The following COL1A2 variants were observed in gnomAD, a reference collection of about 807,000 sequenced individuals.
The protein encoded by COL1A2 is collagen alpha-2(I) chain.
COL1A2 carries 49 observed loss-of-function variants against 174.3 expected under a neutral mutation model. That is an observed-to-expected ratio of 0.28 (90% confidence interval 0.22 to 0.36). The LOEUF is 0.36. Ranked by LOEUF, COL1A2 falls within the 10% of genes least tolerant of loss-of-function variation. The pLI, the probability that COL1A2 is intolerant of heterozygous loss-of-function variation, is 1.00. For synonymous variants in COL1A2, 655 were observed against 606.6 expected (o/e 1.08, Z -1.17); for missense variants, 1,438 against 1,822.7 (o/e 0.79, Z 3.84).
At chr7:94,401,688 A>C in intron 6 of COL1A2, 68 bp downstream of exon 6, 1 of 1,188,406 alleles carries the variant, frequency 8.4e-7, no homozygotes, top group South Asian at 1.3e-5. Flanking sequence ...GTCACATTTT[A>C]CCACGCCATT....
intron 10 of COL1A2, 23 bp downstream of exon 10, chr7:94,405,275 A>G: frequency 6.2e-7 from 1 of 1,611,522 alleles, no homozygotes; most frequent in Non-Finnish European, 8.5e-7. Context: ...ACATTGGTAG[A>G]TAGCACAAAC....
At chr7:94,404,273 G>T (rs1424315530) in intron 6 of COL1A2, among the ~76,000 whole-genome samples, 1 of 152,180 alleles carries the variant, frequency 6.6e-6, no homozygotes, top group Non-Finnish European at 1.5e-5. Context: ...TCACTTCATT[G>T]CATCAGAACA....
Position 94,422,800 on chromosome 7 carries a change from A to G in COL1A2, c.2404-157A>G. ...GACAGGAGTTGCTTCTTTCTGCAAGAAAGAAGGTTAAAAACTATAAATATT... is the reference window on the plus strand; with the variant it reads ...GACAGGAGTTGCTTCTTTCTGCAAGGAAGAAGGTTAAAAACTATAAATATT... On this transcript the variant is annotated intron_variant, in intron 39 of 51. Transcript: ENST00000297268. The G allele has an allele frequency of 4.2e-6, 4 of 949,830 alleles. No individual in the cohort carries two copies. In the South Asian group the frequency reaches 6.2e-5, roughly 15 times the overall value. The allele number at this position is 949,830 out of a possible 1,614,324, so 58.8% of individuals were successfully genotyped here.
chr7:94,401,279 G>A (rs939661675), intron 5 of COL1A2, among the ~76,000 whole-genome samples: 1 of 152,028 alleles, frequency 6.6e-6, no homozygotes, highest in Non-Finnish European at 1.5e-5. Context: ...AGAGGTAAAA[G>A]GTGGGAGTGG....
At chr7:94,404,999 G>A in intron 9 of COL1A2, 107 bp downstream of exon 9, 13 of 1,297,632 alleles carry the variant, frequency 1.0e-5, no homozygotes, top group Non-Finnish European at 1.4e-5. Context: ...GAATATGCCT[G>A]ACAGAACTCT....
intron 5 of COL1A2, among the ~76,000 whole-genome samples, chr7:94,400,569 A>G (rs1430464125): frequency 6.6e-6 from 1 of 152,164 alleles, no homozygotes; most frequent in Non-Finnish European, 1.5e-5. Context: ...TAAGGCACAA[A>G]TAAGAGGTGT....
rs767075975 is a variant in COL1A2 at position 94,428,435 on chromosome 7, G to T, written c.3669G>T (p.Lys1223Asn). ...AKNWYRSSKD[K>N]KHVWLGETIN... ...ACTGGTATAGGAGCTCCAAGGACAA[G>T]AAACACGTCTGGCTAGGAGAAACTA... The change falls in exon 50 of 52, where the codon AAG (lysine) becomes AAT (asparagine). Residue 1223 changes from lysine (K) to asparagine (N), a missense_variant. Lys to Asn is a moderately conservative substitution (Grantham distance 94). Coordinates refer to ENST00000297268, the MANE Select transcript of COL1A2 (RefSeq NM_000089.4). 3.1e-6 allele frequency: 5 copies of T among 1,614,130 alleles called. No homozygotes were observed. The South Asian group carries it at 5.5e-5, about 18-fold the overall frequency.
chr7:94,431,193 A>T lies in COL1A2; in HGVS notation c.*800A>T, dbSNP rs1437029646. On this transcript the variant is annotated 3_prime_UTR_variant, in exon 52 of 52. Transcript: ENST00000297268. ...GAGATGTTTAAATAAATTGTGAAAA[A>T]AATGAAATAAAGCATGTTTGGTTTT... is the stretch of plus-strand genomic sequence containing the variant. 1 of 152,656 alleles carries T rather than the reference A, an allele frequency of 6.6e-6. No homozygotes were observed. Among genetic ancestry groups the T allele is most frequent in the East Asian group, 1.9e-4 (1 of 5,196 alleles). The allele number at this position is 152,656 out of a possible 1,614,324, so 9.5% of individuals were successfully genotyped here.
intron 39 of COL1A2, 172 bp downstream of exon 39, chr7:94,422,124 TTTTATAA>T: frequency 1.8e-6 from 1 of 552,498 alleles, no homozygotes; most frequent in Non-Finnish European, 3.2e-6. Flanking sequence ...ACAAGTTATA[TTTTATAA>T]TATCAGTTTA....
intron 12 of COL1A2, 75 bp from the exon 13 acceptor site, chr7:94,407,772 A>T (rs953572996): frequency 7.4e-7 from 1 of 1,347,644 alleles, no homozygotes; most frequent in Non-Finnish European, 1.1e-6. Flanking sequence ...AGTAAAAAAA[A>T]TAGAGTAAAA....
chr7:94,425,643 G>C lies in COL1A2; in HGVS notation c.2815G>C (p.Asp939His), dbSNP rs776169837. ...TGGGAACGATGGTCCCCCAGGTCGCGATGGTCAACCCGGACACAAGGTCAG... is the reference window on the plus strand; with the variant it reads ...TGGGAACGATGGTCCCCCAGGTCGCCATGGTCAACCCGGACACAAGGTCAG... Reference protein sequence around the residue: ...NPGNDGPPGRDGQPGHKGERG... With the variant: ...NPGNDGPPGRHGQPGHKGERG... The change falls in exon 43 of 52, where the codon GAT (aspartate) becomes CAT (histidine). Residue 939 changes from aspartate to histidine, a missense_variant. By Grantham distance (81) the Asp-to-His change is moderately conservative (BLOSUM62 -1). Transcript: ENST00000297268. The C allele has an allele frequency of 6.2e-7, 1 of 1,614,130 alleles. No homozygotes were observed. The highest frequency in any genetic ancestry group is 8.5e-7 in the Non-Finnish European group (1 of 1,180,012).
Position 94,410,259 on chromosome 7 carries a change from TG to T in COL1A2, c.1055del (p.Gly352AlafsTer47). On this transcript the variant is annotated frameshift_variant, in exon 20 of 52. Transcript: ENST00000297268. LOFTEE classifies it high-confidence loss of function. ...RGLVGEPGPA[G>X]SKGESGNKGE... ...AACCCTAGGGTGAGCCTGGTCCAGC[TG>T]GCTCCAAAGGAGAGAGCGGTAACAA... 1 of 1,613,930 alleles carries T rather than the reference TG, an allele frequency of 6.2e-7. No homozygotes were observed. Among genetic ancestry groups the T allele is most frequent in the Non-Finnish European group, 8.5e-7 (1 of 1,180,028 alleles).
At chr7:94,421,819 C>G in intron 38 of COL1A2, 80 bp from the exon 39 acceptor site, 1 of 1,337,738 alleles carries the variant, frequency 7.5e-7, no homozygotes, top group Non-Finnish European at 1.1e-6. Context: ...TACTGATTTT[C>G]CAAAACAAAG....
chr7:94,410,197 C>A, intron 19 of COL1A2, 45 bp from the exon 20 acceptor site: 3 of 1,596,624 alleles, frequency 1.9e-6, no homozygotes, highest in Non-Finnish European at 2.6e-6. Flanking sequence ...AAGAGAGTTT[C>A]AACAAATGTT....
At chr7:94,420,968 G>C in intron 37 of COL1A2, 41 bp from the exon 38 acceptor site, 2 of 1,591,078 alleles carry the variant, frequency 1.3e-6, no homozygotes, top group Non-Finnish European at 1.7e-6. Context: ...ATTTACAAGG[G>C]TTTGTTTGTG....
chr7:94,402,043 C>T (rs1386294669), intron 6 of COL1A2, among the ~76,000 whole-genome samples: 1 of 152,076 alleles, frequency 6.6e-6, no homozygotes, highest in Non-Finnish European at 1.5e-5. Context: ...GTTCTCTGAA[C>T]TTGTTGGAAA....
chr7:94,430,100 T>TG lies in COL1A2; in HGVS notation c.3955-147_3955-146insG, dbSNP rs1467502003. ...CCACTAAAGACACCCTTGATACTGT[T>TG]ATTTCAAGGATGAACTTATTTATCT... is the stretch of plus-strand genomic sequence containing the variant. On this transcript the variant is annotated intron_variant, in intron 51 of 51. Coordinates refer to ENST00000297268, the MANE Select transcript of COL1A2 (RefSeq NM_000089.4). 20 of 798,166 alleles carry TG rather than the reference T, an allele frequency of 2.5e-5. No individual in the cohort carries two copies. In the African/African-American group the frequency reaches 3.1e-4, roughly 12 times the overall value. The allele number at this position is 798,166 out of a possible 1,614,324, so 49.4% of individuals were successfully genotyped here. A position where few individuals can be genotyped will look rare whatever the true frequency, so the allele number is the denominator to read the frequency against.
intron 34 of COL1A2, among the ~76,000 whole-genome samples, chr7:94,420,027 A>C (rs1792122464): frequency 6.6e-6 from 1 of 152,210 alleles, no homozygotes; most frequent in Admixed American, 6.5e-5. Flanking sequence ...GTGTTTTCTC[A>C]AGTGTATAAC....
At chr7:94,406,200 G>T (rs1226483311) in intron 11 of COL1A2, 50 bp from the exon 12 acceptor site, 5 of 1,577,274 alleles carry the variant, frequency 3.2e-6, no homozygotes, top group Non-Finnish European at 3.5e-6. Context: ...ATTTTTATTT[G>T]ACCAAACACT....
Sources: allele counts gnomAD v4.1 joint callset (sites outside exome capture counted in the v4.1 genomes callset), GRCh38; gene constraint gnomAD v4.1.1; transcripts MANE v1.5; gene names NCBI Gene and HGNC (gene_info 2026-07-23, HGNC 2026-07-21).